The following F5 variants were observed in gnomAD, a reference collection of about 807,000 sequenced individuals.
F5 encodes activated protein c cofactor.
A neutral mutation model predicts 216.4 loss-of-function variants in F5; 138 were observed. The ratio of observed to expected loss-of-function variants is 0.64; its 90% CI spans 0.56 to 0.73. The LOEUF (loss-of-function observed/expected upper bound fraction) is 0.73, where lower values mean the gene tolerates loss of function less well. F5 is among the 30% of genes least tolerant of loss of function. The pLI is 0.00. For missense variants in F5, 2,403 were observed against 2,674.0 expected (o/e 0.90, Z 2.24); for synonymous variants, 916 against 930.7 (o/e 0.98, Z 0.29).
chr1:169,540,679 G>T lies in F5; in HGVS notation c.4411C>A (p.Gln1471Lys). The T allele has an allele frequency of 6.2e-7, 1 of 1,614,054 alleles. No individual in the cohort carries two copies. The highest frequency in any genetic ancestry group is 1.1e-5 in the South Asian group (1 of 91,060). Residue 1471 changes from glutamine (Q) to lysine (K), a missense_variant, in exon 13 of 25, where the codon CAG becomes AAG. By Grantham distance (53) the Gln-to-Lys change is moderately conservative. Transcript: ENST00000367797. ...DQIFYPSESS[Q>K]SLLLQEFNES... ...TTAAATTCTTGAAGAAGCAATGACT[G>T]ACTAGATTCAGAAGGGTAGAATATC...
chr1:169,519,556 T>C (rs1659235296), intron 22 of F5, among the ~76,000 whole-genome samples: 2 of 152,166 alleles, frequency 1.3e-5, no homozygotes, highest in South Asian at 4.1e-4. Flanking sequence ...CCCATATCCA[T>C]CCAAGGGTAT....
At chr1:169,579,649 C>G (rs1250687177) in intron 2 of F5, among the ~76,000 whole-genome samples, 1 of 152,180 alleles carries the variant, frequency 6.6e-6, no homozygotes, top group Non-Finnish European at 1.5e-5. Flanking sequence ...GCTGTTCAAA[C>G]CAGACACCTT....
At chr1:169,583,204 T>C (rs372795569) in intron 1 of F5, among the ~76,000 whole-genome samples, 1 of 152,354 alleles carries the variant, frequency 6.6e-6, no homozygotes, top group African/African-American at 2.4e-5. Flanking sequence ...CTGTTTTTGC[T>C]GTTGTTGTTA....
intron 13 of F5, among the ~76,000 whole-genome samples, chr1:169,540,030 G>C (rs1659795783): frequency 6.6e-6 from 1 of 152,176 alleles, no homozygotes; most frequent in Admixed American, 6.5e-5. Flanking sequence ...AACATGGGTA[G>C]TAAGAGGAGA....
chr1:169,556,858 A>C lies in F5; in HGVS notation c.740T>G (p.Val247Gly). Residue 247 changes from valine (V) to glycine (G), a missense_variant, in exon 6 of 25, where the codon GTT becomes GGT. Transcript: ENST00000367797. ...CCAGCTGATGTGGTCATGGGCACAA[A>C]CTGTTATATCTGAGAAAGAGGGAGA... ...YVNGTMPDITVCAHDHISWHL... is the reference protein window; with the variant it reads ...YVNGTMPDITGCAHDHISWHL... The C allele has an allele frequency of 6.2e-7, 1 of 1,613,758 alleles. No homozygotes were observed. The highest frequency in any genetic ancestry group is 8.5e-7 in the Non-Finnish European group (1 of 1,179,938).
Position 169,572,443 on chromosome 1 carries a change from A to G in F5, c.251-100T>C. 2.8e-6 allele frequency: 4 copies of G among 1,426,490 alleles called. No homozygotes were observed. The South Asian group carries it at 4.6e-5, about 17-fold the overall frequency. 88.4% of individuals were successfully genotyped at this position (1,426,490 alleles called of 1,614,324 possible). A position where few individuals can be genotyped will look rare whatever the true frequency, so the allele number is the denominator to read the frequency against. On this transcript the variant is annotated intron_variant, in intron 2 of 24. Transcript: ENST00000367797. The stretch of plus-strand genomic sequence containing the variant: ...ACAGATGATACCAAGAGTGATTGCT[A>G]CCATTCCTCCTGGTCCTGAGGCTGA...
chr1:169,537,943 A>C (rs1414396708), intron 13 of F5, among the ~76,000 whole-genome samples: 1 of 152,118 alleles, frequency 6.6e-6, no homozygotes, highest in Non-Finnish European at 1.5e-5. Context: ...TTAAAAATAG[A>C]ATTACCACAT....
chr1:169,525,754 G>A, intron 18 of F5, 147 bp downstream of exon 18: 1 of 711,804 alleles, frequency 1.4e-6, no homozygotes, highest in Non-Finnish European at 2.6e-6. Context: ...TCAGACCATG[G>A]GCCGGAATAA....
chr1:169,515,116 C>T (rs191110689), intron 24 of F5, among the ~76,000 whole-genome samples: 5 of 152,166 alleles, frequency 3.3e-5, no homozygotes, highest in Admixed American at 3.3e-4. Context: ...TGGCATGTAC[C>T]TTATATCCTC....
At chr1:169,546,370 T>C in intron 11 of F5, 72 bp downstream of exon 11, 1 of 1,583,788 alleles carries the variant, frequency 6.3e-7, no homozygotes, top group Non-Finnish European at 8.7e-7. Context: ...TCCATGTCTC[T>C]GACTCTAGGC....
intron 3 of F5, among the ~76,000 whole-genome samples, chr1:169,561,137 A>G (rs1660475652): frequency 6.6e-6 from 1 of 152,174 alleles, no homozygotes. Context: ...AATAAGACAT[A>G]CTTAGCCTAT....
Position 169,542,437 on chromosome 1 carries a change from A to G in F5, c.2653T>C (p.Leu885=). 1 of 1,614,014 alleles carries G rather than the reference A, an allele frequency of 6.2e-7. No homozygotes were observed. Among genetic ancestry groups the G allele is most frequent in the East Asian group, 2.2e-5 (1 of 44,870 alleles). Residue 885 remains leucine, a synonymous_variant, in exon 13 of 25, where the codon TTA becomes CTA. Coordinates refer to ENST00000367797, the MANE Select transcript of F5 (RefSeq NM_000130.5). ...TGTCTCCCAACTTTATGTGCTAGTA[A>G]TTTCATCCAGGAGAACCTGTGCTTT... ...AAKHRFSWMK[L]LAHKVGRHLS...
intron 20 of F5, 113 bp downstream of exon 20, chr1:169,523,688 G>T (rs1659363195): frequency 3.0e-6 from 3 of 986,664 alleles, no homozygotes; most frequent in Admixed American, 3.4e-5. Context: ...CTCACACTTA[G>T]TACTTGCTAT....
intron 23 of F5, among the ~76,000 whole-genome samples, chr1:169,516,319 A>G (rs1659153969): frequency 6.6e-6 from 1 of 152,202 alleles, no homozygotes; most frequent in African/African-American, 2.4e-5. Context: ...TGTTTGGAGA[A>G]AGATCAGAAG....
Position 169,552,547 on chromosome 1 carries a change from T to G in F5, c.1296+10A>C, listed in dbSNP as rs770576110. On this transcript the variant is annotated intron_variant, in intron 8 of 24. Transcript: ENST00000367797. ...AATTTCTCCCATGATTCTGTATTTG[T>G]GTTACTTACTTTGAGTGTGTCTCTG... 3.7e-6 allele frequency: 6 copies of G among 1,609,690 alleles called. No homozygotes were observed. The Admixed American group carries it at 8.3e-5, about 22-fold the overall frequency.
chr1:169,555,043 T>G (rs1660278587), intron 7 of F5, 139 bp downstream of exon 7: 1 of 972,772 alleles, frequency 1.0e-6, no homozygotes, highest in East Asian at 2.4e-5. Context: ...TCAAGATTAA[T>G]TTTTACAAAA....
chr1:169,559,038 T>C, intron 5 of F5, 115 bp downstream of exon 5: 1 of 1,064,048 alleles, frequency 9.4e-7, no homozygotes, highest in Non-Finnish European at 1.4e-6. Flanking sequence ...TCCTTCTTGA[T>C]AGGGAGTTGC....
chr1:169,516,162 G>T (rs6670407), intron 23 of F5, among the ~76,000 whole-genome samples: 74,989 of 151,936 alleles, frequency 0.49, 18,993 homozygotes, highest in East Asian at 0.67. Context: ...ATGTCAAAGA[G>T]CAGAAATAGT....
chr1:169,549,843 A>T lies in F5; in HGVS notation c.1569T>A (p.Leu523=), dbSNP rs1398320157. ...RDIASGLIGL[L]LICKSRSLDR... is the part of the protein sequence containing the mutation. The stretch of plus-strand genomic sequence containing the variant: ...CCAGGGATCTGCTCTTACAGATTAG[A>T]AGTAGTCCTATTAGCCCAGAGGCGA... Residue 523 remains leucine, a synonymous_variant, in exon 10 of 25, where the codon CTT becomes CTA. Transcript: ENST00000367797. 4 of 1,613,958 alleles carry T rather than the reference A, an allele frequency of 2.5e-6. No individual in the cohort carries two copies. Among genetic ancestry groups the T allele is most frequent in the Non-Finnish European group, 3.4e-6 (4 of 1,179,986 alleles).
Sources: gnomAD v4.1 joint callset for allele counts (sites outside exome capture counted in the v4.1 genomes callset) on GRCh38, gnomAD v4.1.1 for gene constraint, MANE v1.5 for transcripts, NCBI Gene and HGNC (gene_info 2026-07-23, HGNC 2026-07-21) for gene names.